MICAL3: variants seen among roughly 807,000 people sequenced by gnomAD.
MICAL3 encodes [F-actin]-monooxygenase MICAL3.
Under a neutral mutation model 207.4 loss-of-function variants are expected in MICAL3, and 62 were observed. That is an observed-to-expected ratio of 0.30 (90% confidence interval 0.24 to 0.37). The LOEUF is 0.37. MICAL3 is among the 10% of genes least tolerant of loss of function. The pLI, the probability that MICAL3 is intolerant of heterozygous loss-of-function variation, is 1.00. For missense variants in MICAL3, 2,368 were observed against 2,635.6 expected, an observed-to-expected ratio of 0.90 and a Z score of 2.22; for synonymous variants, 1,077 against 1,069.3, an observed-to-expected ratio of 1.01 and a Z score of -0.14.
At chr22:17,879,738 G>C (rs1292048507) in intron 16 of MICAL3, among the ~76,000 whole-genome samples, 1 of 152,194 alleles carries the variant, frequency 6.6e-6, no homozygotes, top group Admixed American at 6.5e-5. Context: ...TAGAAGGAGA[G>C]GCAGGTTAAA....
rs753011921 is a variant in MICAL3, at chr22:17,818,423, C to G, written c.4238G>C (p.Arg1413Pro). ...TPRSPSDREL[R>P]SAQEERRELS... ...CTCCCTGCGCTCCTCCTGGGCGCTG[C>G]GTAGCTCTCTGTCGGACGGGGACCG... Residue 1413 changes from arginine (R) to proline (P), a missense_variant, in exon 26 of 32, where the codon CGC (arginine) becomes CCC (proline). By Grantham distance (103) the Arg-to-Pro change is moderately radical (BLOSUM62 -2). Coordinates refer to ENST00000441493, the MANE Select transcript of MICAL3 (RefSeq NM_015241.3). The G allele has an allele frequency of 3.1e-6, 5 of 1,612,444 alleles. No individual in the cohort carries two copies. Among genetic ancestry groups the G allele is most frequent in the Non-Finnish European group, 4.2e-6 (5 of 1,179,860 alleles).
rs1437322698 is a variant in MICAL3 at position 17,875,406 on chromosome 22, C to T, written c.2242-3383G>A. On this transcript the variant is annotated intron_variant, in intron 16 of 31. Coordinates refer to ENST00000441493, the MANE Select transcript of MICAL3 (RefSeq NM_015241.3). ...CTTGCGAAAGTGACGTGAGTGGAGG[C>T]TGCGGAGGGCAGAGTTTTAGTGAGT... 3 of 1,298,266 alleles carry T rather than the reference C, an allele frequency of 2.3e-6. No individual in the cohort carries two copies. In the East Asian group the frequency reaches 8.2e-5, roughly 36 times the overall value. The allele number at this position is 1,298,266 out of a possible 1,614,324, so 80.4% of individuals were successfully genotyped here.
rs556959473 is a variant in MICAL3 at position 17,889,753 on chromosome 22, G to A, written c.1695-523C>T. Among the ~76,000 whole-genome samples the A allele has an allele frequency of 2.0e-5, 3 of 152,346 alleles. No homozygotes were observed. In the East Asian group the frequency reaches 5.8e-4, roughly 29 times the overall value. ...GCCCGCAAGTTCAAGGTTGCAATGA[G>A]CTATGACTGTGCCACTGCCCTCTAT... is the stretch of plus-strand genomic sequence containing the variant. On this transcript the variant is annotated intron_variant, in intron 12 of 31. Coordinates refer to ENST00000441493, the MANE Select transcript of MICAL3 (RefSeq NM_015241.3).
Position 17,977,464 on chromosome 22 carries a change from G to A in MICAL3, c.-75+46817C>T, listed in dbSNP as rs1002243948. 4.0e-5 allele frequency among the ~76,000 whole-genome samples: 6 copies of A among 151,822 alleles called. No homozygotes were observed. The East Asian group carries it at 7.7e-4, about 20-fold the overall frequency. On this transcript the variant is annotated intron_variant, in intron 1 of 31. Coordinates refer to ENST00000441493, the MANE Select transcript of MICAL3 (RefSeq NM_015241.3). ...AGCACATGAAAGGATGCTCAACATC[G>A]GCAACCATTAGGGAAATGCAAATCA...
At chr22:18,022,812 T>C (rs1248085237) in intron 1 of MICAL3, among the ~76,000 whole-genome samples, 3 of 152,148 alleles carry the variant, frequency 2.0e-5, no homozygotes, top group African/African-American at 4.8e-5. Flanking sequence ...GGTTAGTACA[T>C]AGGCAGCCAT....
In MICAL3 at chr22:17,900,834, ACACCAAC is replaced by A; in HGVS notation, c.847+1_847+7del. On this transcript the variant is annotated splice_donor_variant and splice_donor_5th_base_variant and intron_variant, in intron 6 of 31. Coordinates refer to ENST00000441493, the MANE Select transcript of MICAL3 (RefSeq NM_015241.3). LOFTEE classifies it high-confidence loss of function. The surrounding 1 kb of genome is among the most constrained non-coding windows in gnomAD (Gnocchi z 4.0). Reference sequence around the variant, plus strand: ...CTATCCTAGGGCTCCGGAGACATCAACACCAACCTGTGGCTTCCCTCAGTTCCTGGAA... The same window carrying A: ...CTATCCTAGGGCTCCGGAGACATCAACTGTGGCTTCCCTCAGTTCCTGGAA... 6.2e-7 allele frequency: 1 copy of A among 1,613,922 alleles called. No individual in the cohort carries two copies. The highest frequency in any genetic ancestry group is 8.5e-7 in the Non-Finnish European group (1 of 1,179,804).
At chr22:17,826,367 G>T in intron 22 of MICAL3, 1 of 765,094 alleles carries the variant, frequency 1.3e-6, no homozygotes, top group Non-Finnish European at 1.6e-6. Context: ...CTTGCAACAG[G>T]CCCAGGAGTC....
chr22:17,888,202 G>T lies in MICAL3; in HGVS notation c.1892-767C>A, dbSNP rs114285055. ...CCCGTTACCCCATTTTACAAGATAG[G>T]TTGACGGAAAGTGAGACACAGGAAA... is the stretch of plus-strand genomic sequence containing the variant. On this transcript the variant is annotated intron_variant, in intron 13 of 31. Transcript: ENST00000441493. Among the ~76,000 whole-genome samples, 674 of 152,162 alleles carry T rather than the reference G, an allele frequency of 4.4e-3. 2 individuals are homozygous for T. Among genetic ancestry groups the T allele is most frequent in the African/African-American group, 0.016 (648 of 41,482 alleles).
chr22:17,892,386 T>G (rs1396463658), intron 11 of MICAL3, among the ~76,000 whole-genome samples: 3 of 152,230 alleles, frequency 2.0e-5, no homozygotes, highest in African/African-American at 7.2e-5. Context: ...CAAAAGAATC[T>G]ATGAACTATT....
intron 16 of MICAL3, chr22:17,884,132 G>C (rs1297241967): frequency 1.8e-6 from 1 of 547,830 alleles, no homozygotes; most frequent in Non-Finnish European, 3.2e-6. Flanking sequence ...TGTTTTCCCA[G>C]AGCTACTACT....
intron 1 of MICAL3, among the ~76,000 whole-genome samples, chr22:17,977,656 C>T (rs1380703957): frequency 2.6e-5 from 4 of 152,054 alleles, no homozygotes; most frequent in Non-Finnish European, 5.9e-5. Flanking sequence ...TTTGACAGCT[C>T]CTCAAAAAGT....
chr22:17,891,454 T>C (rs202159231), intron 12 of MICAL3, 31 bp downstream of exon 12: 18 of 1,610,860 alleles, frequency 1.1e-5, no homozygotes, highest in Non-Finnish European at 1.4e-5. Context: ...TTGAGGAGTA[T>C]AAAAAAACAC....
rs145509964 is a variant in MICAL3 at position 17,936,538 on chromosome 22, A to G, written c.-74-29652T>C. Reference sequence around the variant, plus strand: ...GTGTATACCTACGTATCAAACCTGCATGTTGTGCACATGTACCCTAGAACT... The same window carrying G: ...GTGTATACCTACGTATCAAACCTGCGTGTTGTGCACATGTACCCTAGAACT... On this transcript the variant is annotated intron_variant, in intron 1 of 31. Transcript: ENST00000441493. Among the ~76,000 whole-genome samples, 601 of 151,924 alleles carry G rather than the reference A, an allele frequency of 4.0e-3. 3 individuals are homozygous for G. Among genetic ancestry groups the G allele is most frequent in the African/African-American group, 0.014 (563 of 41,388 alleles).
At chr22:17,920,917 C>A (rs1318130404) in intron 1 of MICAL3, among the ~76,000 whole-genome samples, 1 of 152,114 alleles carries the variant, frequency 6.6e-6, no homozygotes, top group Non-Finnish European at 1.5e-5. Context: ...GGGCCCCAAA[C>A]TCACTAAGCC....
chr22:17,865,808 C>G (rs902505734), intron 18 of MICAL3, 116 bp downstream of exon 18: 2 of 805,472 alleles, frequency 2.5e-6, no homozygotes, highest in Admixed American at 1.9e-5. Flanking sequence ...GGGCCCTCCC[C>G]GTTCCCAGGA....
chr22:17,840,987 G>C (rs1408363272), intron 20 of MICAL3: 1 of 152,236 alleles, frequency 6.6e-6, no homozygotes, highest in Non-Finnish European at 1.5e-5. Flanking sequence ...ACACCTTCTG[G>C]AAAGCGTTCT....
chr22:17,976,864 T>C (rs1935681375), intron 1 of MICAL3, among the ~76,000 whole-genome samples: 1 of 150,842 alleles, frequency 6.6e-6, no homozygotes, highest in Admixed American at 6.6e-5. Context: ...TGGAGTGCAG[T>C]GGCGTGATCT....
chr22:17,886,801 T>C (rs1929905563), intron 15 of MICAL3, among the ~76,000 whole-genome samples: 1 of 95,022 alleles, frequency 1.1e-5, no homozygotes, highest in Non-Finnish European at 1.9e-5. Flanking sequence ...CCAGACTCTG[T>C]CTCAAAAAAA....
rs182791790 is a variant in MICAL3 at position 17,827,920 on chromosome 22, T to C, written c.3056-139A>G. 3.9e-5 allele frequency: 29 copies of C among 751,444 alleles called. No individual in the cohort carries two copies. The East Asian group carries it at 6.6e-4, about 17-fold the overall frequency. The allele number at this position is 751,444 out of a possible 1,614,324, so 46.5% of individuals were successfully genotyped here. The stretch of plus-strand genomic sequence containing the variant: ...CAGAAAGAAGTAAAAATTAAGAACA[T>C]GTATGCACATGTATACACACACACA... On this transcript the variant is annotated intron_variant, in intron 21 of 31. Transcript: ENST00000441493.
Sources: allele counts gnomAD v4.1 joint callset (sites outside exome capture counted in the v4.1 genomes callset), GRCh38; gene constraint gnomAD v4.1.1; non-coding constraint Gnocchi (gnomAD v3.1); transcripts MANE v1.5; gene names NCBI Gene and HGNC (gene_info 2026-07-23, HGNC 2026-07-21).